Variants in TAFA1 observed in about 807,000 individuals in gnomAD.
TAFA1 encodes TAFA chemokine like family member 1.
TAFA1 carries 4 observed loss-of-function variants against 18.5 expected under a neutral mutation model. That is an observed-to-expected ratio of 0.22 (90% CI 0.11 to 0.49). The LOEUF (loss-of-function observed/expected upper bound fraction) is 0.49, where lower values mean the gene tolerates loss of function less well. Among genes scored for constraint, TAFA1 ranks in the 20% least tolerant of loss-of-function variants. TAFA1 has a pLI of 0.98. For synonymous variants in TAFA1, 56 were observed against 55.2 expected (o/e 1.01, Z -0.06); for missense variants, 147 against 169.0 (o/e 0.87, Z 0.72).
At chr3:68,506,524 T>G (rs2072759254) in intron 3 of TAFA1, among the ~76,000 whole-genome samples, 1 of 151,918 alleles carries the variant, frequency 6.6e-6, no homozygotes, top group Admixed American at 6.6e-5. Flanking sequence ...CAATCCAGGT[T>G]TGTTACCAGG....
intron 3 of TAFA1, among the ~76,000 whole-genome samples, chr3:68,490,590 T>G (rs1362550517): frequency 6.6e-6 from 1 of 152,176 alleles, no homozygotes; most frequent in African/African-American, 2.4e-5. Context: ...CTTTCTTCTA[T>G]TAAGCTAGAC....
intron 2 of TAFA1, among the ~76,000 whole-genome samples, chr3:68,227,450 C>T (rs778799868): frequency 2.6e-4 from 40 of 152,158 alleles, no homozygotes; most frequent in Non-Finnish European, 4.4e-4. Flanking sequence ...TGGAATTCAG[C>T]CAGACCCTTC....
At chr3:68,073,524 G>A (rs2064783134) in intron 2 of TAFA1, among the ~76,000 whole-genome samples, 1 of 152,154 alleles carries the variant, frequency 6.6e-6, no homozygotes, top group African/African-American at 2.4e-5. Context: ...CACTATGAGG[G>A]TGGCCATGTT....
intron 2 of TAFA1, among the ~76,000 whole-genome samples, chr3:68,103,333 G>A (rs1316273889): frequency 6.6e-6 from 1 of 152,224 alleles, no homozygotes; most frequent in Non-Finnish European, 1.5e-5. Context: ...AGGAAGTGTT[G>A]TATGGTAATT....
intron 2 of TAFA1, among the ~76,000 whole-genome samples, chr3:68,257,981 C>A (rs1032993795): frequency 2.0e-5 from 3 of 151,956 alleles, no homozygotes; most frequent in Non-Finnish European, 4.4e-5. Flanking sequence ...AATATCTCTT[C>A]GAAACTCTCA....
chr3:68,468,674 T>C (rs1240210321), intron 3 of TAFA1, among the ~76,000 whole-genome samples: 2 of 152,212 alleles, frequency 1.3e-5, no homozygotes, highest in Non-Finnish European at 2.9e-5. Context: ...AGATTATCCA[T>C]GGATTTCAAT....
intron 2 of TAFA1, among the ~76,000 whole-genome samples, chr3:68,058,242 C>T (rs564547899): frequency 6.6e-6 from 1 of 152,134 alleles, no homozygotes; most frequent in Non-Finnish European, 1.5e-5. Flanking sequence ...TTGGTTTCCT[C>T]ATCTGTAAGA....
At chr3:68,231,955 G>A (rs2107117558) in intron 2 of TAFA1, among the ~76,000 whole-genome samples, 1 of 152,088 alleles carries the variant, frequency 6.6e-6, no homozygotes, top group Admixed American at 6.5e-5. Flanking sequence ...TAATAATTGT[G>A]CATATTTATA....
chr3:68,430,289 G>C (rs995024624), intron 3 of TAFA1, among the ~76,000 whole-genome samples: 1 of 151,940 alleles, frequency 6.6e-6, no homozygotes, highest in Non-Finnish European at 1.5e-5. Context: ...AGGCATAGAA[G>C]AGAGCATGCA....
intron 2 of TAFA1, among the ~76,000 whole-genome samples, chr3:68,036,064 G>A (rs1705040643): frequency 6.6e-6 from 1 of 152,160 alleles, no homozygotes; most frequent in Non-Finnish European, 1.5e-5. Context: ...GGAAGGTGAT[G>A]GAAATGCTCC....
intron 2 of TAFA1, among the ~76,000 whole-genome samples, chr3:68,229,367 T>C (rs1478462734): frequency 2.0e-5 from 3 of 152,202 alleles, no homozygotes; most frequent in Admixed American, 1.3e-4. Context: ...TGCTAAGATA[T>C]CTTATTCTAA....
the TAFA1 span, among the ~76,000 whole-genome samples, chr3:67,998,420 C>T: frequency 4.6e-5 from 7 of 152,158 alleles, no homozygotes; most frequent in Admixed American, 1.3e-4. Context: ...CCACTGCATG[C>T]ATCTCTTTTG....
intron 2 of TAFA1, among the ~76,000 whole-genome samples, chr3:68,060,958 G>A (rs1442421874): frequency 6.6e-6 from 1 of 152,174 alleles, no homozygotes; most frequent in Non-Finnish European, 1.5e-5. Context: ...CACAGTGGGT[G>A]TGACATAGGT....
intron 2 of TAFA1, among the ~76,000 whole-genome samples, chr3:68,175,109 T>A (rs1171271513): frequency 6.6e-6 from 1 of 152,226 alleles, no homozygotes; most frequent in Admixed American, 6.5e-5. Flanking sequence ...AATGAAGGTT[T>A]GGGAACCTCT....
At chr3:68,132,992 T>C (rs900950223) in intron 2 of TAFA1, among the ~76,000 whole-genome samples, 1 of 152,218 alleles carries the variant, frequency 6.6e-6, no homozygotes, top group African/African-American at 2.4e-5. Flanking sequence ...AGGGTTTTTA[T>C]AGTTTTAGGT....
chr3:68,390,119 G>A (rs930559671), intron 2 of TAFA1, among the ~76,000 whole-genome samples: 3 of 151,994 alleles, frequency 2.0e-5, no homozygotes, highest in Non-Finnish European at 2.9e-5. Flanking sequence ...AAATTCTCAC[G>A]GCCAGCACAG....
At chr3:68,074,182 A>T (rs927213577) in intron 2 of TAFA1, among the ~76,000 whole-genome samples, 1 of 152,162 alleles carries the variant, frequency 6.6e-6, no homozygotes, top group Non-Finnish European at 1.5e-5. Flanking sequence ...TGCTCCTATG[A>T]GAATTTAACA....
intron 4 of TAFA1, among the ~76,000 whole-genome samples, chr3:68,539,437 C>T (rs991747223): frequency 1.4e-4 from 21 of 151,982 alleles, no homozygotes; most frequent in African/African-American, 4.6e-4. Flanking sequence ...TCAAAATTGG[C>T]ACCCTTATGC....
upstream of TAFA1, among the ~76,000 whole-genome samples, chr3:68,002,486 A>G (rs945618761): frequency 6.6e-6 from 1 of 152,180 alleles, no homozygotes; most frequent in South Asian, 2.1e-4. Context: ...GCAAAGGTGA[A>G]CTTCCTTTTA....
Sources: allele counts gnomAD v4.1 joint callset (sites outside exome capture counted in the v4.1 genomes callset), GRCh38; gene constraint gnomAD v4.1.1; transcripts MANE v1.5; gene names NCBI Gene and HGNC (gene_info 2026-07-23, HGNC 2026-07-21).